The following CTIF variants were observed in gnomAD, a reference collection of about 807,000 sequenced individuals.
CTIF encodes CBP80/20-dependent translation initiation factor.
In CTIF, 21 loss-of-function variants were observed where a neutral mutation model predicts 66.0. That is an observed-to-expected ratio of 0.32 (90% CI 0.23 to 0.46). CTIF has a LOEUF of 0.46. Ranked by LOEUF, CTIF falls within the 20% of genes least tolerant of loss-of-function variation. The pLI is 1.00. For missense variants in CTIF, 739 were observed against 812.7 expected, an observed-to-expected ratio of 0.91 and a Z score of 1.10; for synonymous variants, 345 against 326.4, an observed-to-expected ratio of 1.06 and a Z score of -0.62.
chr18:48,781,766 G>A (rs1911251659), intron 9 of CTIF, among the ~76,000 whole-genome samples: 1 of 152,062 alleles, frequency 6.6e-6, no homozygotes, highest in Admixed American at 6.5e-5. Flanking sequence ...TTCTTAGTGC[G>A]GTAAAAGGCC....
intron 9 of CTIF, among the ~76,000 whole-genome samples, chr18:48,781,836 TA>T (rs1338590025): frequency 1.3e-5 from 2 of 152,244 alleles, no homozygotes; most frequent in Admixed American, 1.3e-4. Flanking sequence ...CTTCCCCTAA[TA>T]TTTCTGGCTG....
intron 3 of CTIF, among the ~76,000 whole-genome samples, chr18:48,661,385 G>C (rs2091343227): frequency 8.4e-6 from 1 of 118,728 alleles, no homozygotes; most frequent in African/African-American, 2.6e-5. Context: ...AGTTTTGTTT[G>C]CATGTATGAT....
chr18:48,849,169 G>A (rs936750508), intron 10 of CTIF, among the ~76,000 whole-genome samples: 1 of 151,328 alleles, frequency 6.6e-6, no homozygotes, highest in African/African-American at 2.4e-5. Context: ...CCCACACAGA[G>A]GGTGCCTGCT....
chr18:48,815,290 A>T (rs977012090), intron 9 of CTIF, among the ~76,000 whole-genome samples: 6 of 152,238 alleles, frequency 3.9e-5, no homozygotes, highest in Non-Finnish European at 8.8e-5. Flanking sequence ...TCTCCAGAGC[A>T]GGCTGACGTC....
At chr18:48,824,013 C>CACACAG (rs139376550) in intron 10 of CTIF, among the ~76,000 whole-genome samples, 12,095 of 146,670 alleles carry the variant, frequency 0.082, 693 homozygotes, top group South Asian at 0.23. Context: ...CACACACACA[C>CACACAG]AAACTGCTAG....
chr18:48,822,050 C>A (rs367936835), intron 10 of CTIF, among the ~76,000 whole-genome samples: 3 of 152,194 alleles, frequency 2.0e-5, no homozygotes, highest in East Asian at 1.9e-4. Flanking sequence ...ATTTTAGATA[C>A]CTCATGTAAA....
chr18:48,643,626 A>T (rs2144690820), intron 3 of CTIF, among the ~76,000 whole-genome samples: 2 of 152,304 alleles, frequency 1.3e-5, no homozygotes, highest in South Asian at 4.2e-4. Flanking sequence ...TGGGAGAAAG[A>T]GGCTGTGGTT....
At chr18:48,703,028 G>A (rs981845868) in intron 6 of CTIF, among the ~76,000 whole-genome samples, 12 of 152,130 alleles carry the variant, frequency 7.9e-5, no homozygotes, top group African/African-American at 2.7e-4. Context: ...ATCAAGTGCT[G>A]TGGTTCCTTT....
chr18:48,623,518 T>G (rs2090535759), intron 2 of CTIF, among the ~76,000 whole-genome samples: 1 of 151,794 alleles, frequency 6.6e-6, no homozygotes, highest in South Asian at 2.1e-4. Context: ...TGGGAAATAT[T>G]TCTGCTAAAG....
rs146979409 is a variant in CTIF at position 48,619,976 on chromosome 18, G to A, written c.180+231G>A. On this transcript the variant is annotated intron_variant, in intron 2 of 11. Transcript: ENST00000256413. ...ACCTCCACTCCTCCCTATCCAATGA[G>A]GCTTTGAGGCCCAGCCAGGCCCACA... 3.8e-3 allele frequency among the ~76,000 whole-genome samples: 573 copies of A among 152,282 alleles called. 1 individual carries two copies. The highest frequency in any genetic ancestry group is 0.012 in the African/African-American group (515 of 41,562).
intron 7 of CTIF, among the ~76,000 whole-genome samples, chr18:48,757,576 C>T (rs558292384): frequency 6.6e-6 from 1 of 152,346 alleles, no homozygotes; most frequent in African/African-American, 2.4e-5. Flanking sequence ...TATGTGATGA[C>T]AGAGTCAGAG....
At chr18:48,808,099 A>G (rs1345584371) in intron 9 of CTIF, among the ~76,000 whole-genome samples, 1 of 152,228 alleles carries the variant, frequency 6.6e-6, no homozygotes, top group African/African-American at 2.4e-5. Flanking sequence ...AGTCATACCA[A>G]TGCCCATATA....
intron 7 of CTIF, among the ~76,000 whole-genome samples, chr18:48,733,964 C>T (rs559269074): frequency 7.9e-5 from 12 of 152,320 alleles, no homozygotes; most frequent in Admixed American, 2.0e-4. Flanking sequence ...CTCAAGGAGG[C>T]GGGTACAATT....
At chr18:48,645,960 C>G (rs2091023293) in intron 3 of CTIF, among the ~76,000 whole-genome samples, 1 of 152,206 alleles carries the variant, frequency 6.6e-6, no homozygotes, top group Non-Finnish European at 1.5e-5. Context: ...TTAAATATGA[C>G]TCTCTCATGA....
chr18:48,664,928 G>T (rs2091412475), intron 5 of CTIF, among the ~76,000 whole-genome samples: 1 of 102,310 alleles, frequency 9.8e-6, no homozygotes, highest in South Asian at 3.0e-4. Context: ...TTTTTTTTGA[G>T]ACGGAGTCTC....
rs567303039 is a variant in CTIF, at chr18:48,589,268, A to AG, written c.-28-30265dup. Among the ~76,000 whole-genome samples, 9 of 152,308 alleles carry AG rather than the reference A, an allele frequency of 5.9e-5. No homozygotes were observed. In the East Asian group the frequency reaches 1.7e-3, roughly 29 times the overall value. ...GGGCTGTTTCCTTCTGAGGGCCGTCAGGGGGAGTCTGTTCCAGCTTTTCTC... is the reference window on the plus strand; with the variant it reads ...GGGCTGTTTCCTTCTGAGGGCCGTCAGGGGGGAGTCTGTTCCAGCTTTTCTC... On this transcript the variant is annotated intron_variant, in intron 1 of 11. Transcript: ENST00000256413.
chr18:48,804,985 A>G (rs1568233459), intron 9 of CTIF, among the ~76,000 whole-genome samples: 1 of 152,208 alleles, frequency 6.6e-6, no homozygotes, highest in East Asian at 1.9e-4. Flanking sequence ...TTTTTGTCCC[A>G]AGTCACAGGA....
At chr18:48,628,533 C>A (rs72925565) in intron 2 of CTIF, among the ~76,000 whole-genome samples, 1 of 152,302 alleles carries the variant, frequency 6.6e-6, no homozygotes, top group Non-Finnish European at 1.5e-5. Flanking sequence ...TGAGGCCACA[C>A]AGCAAGTACA....
intron 1 of CTIF, among the ~76,000 whole-genome samples, chr18:48,545,369 G>T (rs2088721008): frequency 1.3e-5 from 2 of 152,188 alleles, no homozygotes; most frequent in South Asian, 4.1e-4. Flanking sequence ...AGGCGGCCAT[G>T]GGACTGGTGA....
Sources: allele counts gnomAD v4.1 joint callset (sites outside exome capture counted in the v4.1 genomes callset), GRCh38; gene constraint gnomAD v4.1.1; transcripts MANE v1.5; gene names NCBI Gene and HGNC (gene_info 2026-07-23, HGNC 2026-07-21).